The following COLGALT2 variants were observed in gnomAD, a reference collection of about 807,000 sequenced individuals.
COLGALT2 encodes the protein procollagen galactosyltransferase 2.
COLGALT2 carries 49 observed loss-of-function variants against 73.4 expected under a neutral mutation model. The observed-to-expected ratio is 0.67, with a 90% CI of 0.53 to 0.85. The LOEUF (loss-of-function observed/expected upper bound fraction) is 0.85. Among genes scored for constraint, COLGALT2 ranks in the 40% least tolerant of loss-of-function variants. The pLI, the probability that COLGALT2 is intolerant of heterozygous loss-of-function variation, is 0.00. For missense variants in COLGALT2, 722 were observed against 790.2 expected (o/e 0.91, Z 1.03); for synonymous variants, 295 against 307.6 (o/e 0.96, Z 0.43).
chr1:184,025,780 C>T (rs891822146), intron 1 of COLGALT2, among the ~76,000 whole-genome samples: 10 of 152,120 alleles, frequency 6.6e-5, no homozygotes, highest in Non-Finnish European at 1.3e-4. Flanking sequence ...CACGAGCTTC[C>T]TAGAAAAGGA....
In COLGALT2 at chr1:183,948,015, A is replaced by G. The variant is rs375567676; in HGVS notation, c.1137-2451T>C. ...AGATGAAATGGACAAATTGATAGGA[A>G]GGTACAAACTACCAAAATTGACTCA... On this transcript the variant is annotated intron_variant, in intron 8 of 11. Transcript: ENST00000361927. 4.0e-4 allele frequency among the ~76,000 whole-genome samples: 61 copies of G among 152,266 alleles called. No homozygotes were observed. In the East Asian group the frequency reaches 4.6e-3, roughly 12 times the overall value.
chr1:183,988,133 C>T (rs766502739), intron 1 of COLGALT2, among the ~76,000 whole-genome samples: 1 of 152,140 alleles, frequency 6.6e-6, no homozygotes, highest in African/African-American at 2.4e-5. Flanking sequence ...AAAACATCTT[C>T]CATGAGAAAG....
rs397861890 is a variant in COLGALT2, at chr1:183,930,569, C to CTTTTTTTT, written c.1605-288_1605-281dup. On this transcript the variant is annotated intron_variant, in intron 11 of 11. Coordinates refer to the COLGALT2 transcript ENST00000649786. ...AATGCCCTGCTAATTTTTTCTTTTT[C>CTTTTTTTT]TTTTTTTTTTTTTTTTTTTTTGTAT... 5.8e-4 allele frequency among the ~76,000 whole-genome samples: 66 copies of CTTTTTTTT among 114,060 alleles called. 2 individuals are homozygous for CTTTTTTTT. The highest frequency in any genetic ancestry group is 9.1e-4 in the African/African-American group (27 of 29,634). 74.8% of individuals were successfully genotyped at this position (114,060 alleles called of 152,430 possible). A position where few individuals can be genotyped will look rare whatever the true frequency, so the allele number is the denominator to read the frequency against.
chr1:183,976,709 T>C (rs1671202526), intron 2 of COLGALT2, among the ~76,000 whole-genome samples: 1 of 152,164 alleles, frequency 6.6e-6, no homozygotes. Context: ...TTCTAGCCCC[T>C]GCCAAAGAAC....
chr1:183,962,539 A>T (rs748668270), intron 6 of COLGALT2, among the ~76,000 whole-genome samples: 6 of 152,102 alleles, frequency 3.9e-5, no homozygotes, highest in Non-Finnish European at 5.9e-5. Context: ...CAGACACTCA[A>T]GACAGAACTT....
rs1669949938 is a variant in COLGALT2 at position 183,936,248 on chromosome 1, ATAAG to A, written c.*2509_*2512del. 1 of 985,706 alleles carries A rather than the reference ATAAG, an allele frequency of 1.0e-6. No homozygotes were observed. The highest frequency in any genetic ancestry group is 1.7e-5 in the African/African-American group (1 of 57,376). The allele number at this position is 985,706 out of a possible 1,614,324, so 61.1% of individuals were successfully genotyped here. A position where few individuals can be genotyped will look rare whatever the true frequency, so the allele number is the denominator to read the frequency against. ...AGGTCAAATGTCTTGGCTTAGGACT[ATAAG>A]GGAGAGATAGGACAAATAATGAGGT... On this transcript the variant is annotated 3_prime_UTR_variant, in exon 12 of 12. Transcript: ENST00000361927.
At chr1:183,940,018 G>C (rs1670064555) in intron 11 of COLGALT2, among the ~76,000 whole-genome samples, 2 of 152,186 alleles carry the variant, frequency 1.3e-5, no homozygotes, top group African/African-American at 2.4e-5. Flanking sequence ...CTGGGCTATG[G>C]GAGCCCCAAG....
intron 6 of COLGALT2, among the ~76,000 whole-genome samples, chr1:183,961,641 C>A (rs569202735): frequency 6.6e-6 from 1 of 152,184 alleles, no homozygotes; most frequent in Non-Finnish European, 1.5e-5. Flanking sequence ...CCTTCAAAAG[C>A]GACAGTGTCT....
At chr1:183,930,095 C>A in exon 12 of COLGALT2, 1 of 400,932 alleles carries the variant, frequency 2.5e-6, no homozygotes, top group Non-Finnish European at 5.0e-6. Context: ...CTGTTCACAG[C>A]CCATCAACCA....
At chr1:184,009,448 T>C (rs1449707345) in intron 1 of COLGALT2, among the ~76,000 whole-genome samples, 3 of 152,188 alleles carry the variant, frequency 2.0e-5, no homozygotes, top group African/African-American at 7.2e-5. Context: ...TTTGGTCAAT[T>C]ATGCCAGAAA....
At chr1:183,958,095 C>T (rs190227743) in intron 6 of COLGALT2, among the ~76,000 whole-genome samples, 2 of 152,208 alleles carry the variant, frequency 1.3e-5, no homozygotes, top group African/African-American at 2.4e-5. Flanking sequence ...GGCAGCACAT[C>T]CCCAAATTCT....
Position 183,945,501 on chromosome 1 carries a change from G to A in COLGALT2, c.1200C>T (p.Pro400=), listed in dbSNP as rs147848248. ...CCCTTGTTAGAGGCCTGGAGGAATAGGGATCTCGATAGCCAGGCAGCATTT... is the reference window on the plus strand; with the variant it reads ...CCCTTGTTAGAGGCCTGGAGGAATAAGGATCTCGATAGCCAGGCAGCATTT... ...NIEMLPGYRD[P]YSSRPLTRGE... is the part of the protein sequence containing the mutation. The change falls in exon 9 of 12, where the codon CCC becomes CCT. Residue 400 remains proline, a synonymous_variant. Transcript: ENST00000361927. The A allele has an allele frequency of 3.3e-5, 53 of 1,614,184 alleles. No homozygotes were observed. In the African/African-American group the frequency reaches 5.9e-4, roughly 18 times the overall value.
At chr1:183,933,610 C>T (rs908657526), downstream of COLGALT2, among the ~76,000 whole-genome samples, 1 of 150,878 alleles carries the variant, frequency 6.6e-6, no homozygotes, top group Non-Finnish European at 1.5e-5. Context: ...GATTAATTTC[C>T]AAGCATCTAA....
chr1:183,964,225 G>A lies in COLGALT2; in HGVS notation c.833-205C>T, dbSNP rs541421179. 53 of 474,338 alleles carry A rather than the reference G, an allele frequency of 1.1e-4. No homozygotes were observed. In the Admixed American group the frequency reaches 1.6e-3, roughly 14 times the overall value. The allele number at this position is 474,338 out of a possible 1,614,324, so 29.4% of individuals were successfully genotyped here. A position where few individuals can be genotyped will look rare whatever the true frequency, so the allele number is the denominator to read the frequency against. On this transcript the variant is annotated intron_variant, in intron 5 of 11. Transcript: ENST00000361927. Reference sequence around the variant, plus strand: ...GCATTGGGGACTAATAAAAACACTCGGCTATTCTTCAGCCCAGAGGAAATT... The same window carrying A: ...GCATTGGGGACTAATAAAAACACTCAGCTATTCTTCAGCCCAGAGGAAATT...
Position 183,937,077 on chromosome 1 carries a change from A to C in COLGALT2, c.*1684T>G, listed in dbSNP as rs1298749721. The C allele has an allele frequency of 8.1e-7, 1 of 1,231,348 alleles. No individual in the cohort carries two copies. The highest frequency in any genetic ancestry group is 1.6e-5 in the African/African-American group (1 of 64,414). 76.3% of individuals were successfully genotyped at this position (1,231,348 alleles called of 1,614,324 possible). A position where few individuals can be genotyped will look rare whatever the true frequency, so the allele number is the denominator to read the frequency against. On this transcript the variant is annotated 3_prime_UTR_variant, in exon 12 of 12. Coordinates refer to ENST00000361927, the MANE Select transcript of COLGALT2 (RefSeq NM_015101.4). ...GTATCACATGGGCAGTGAACTGAAG[A>C]ATTAGGTGTCTGGCTTAAAGTGTAT...
At chr1:184,018,940 C>T (rs1299013487) in intron 1 of COLGALT2, among the ~76,000 whole-genome samples, 5 of 152,146 alleles carry the variant, frequency 3.3e-5, no homozygotes, top group Admixed American at 3.3e-4. Context: ...ATACATCTGC[C>T]TAAAGCAAAC....
chr1:183,978,409 C>T lies in COLGALT2; in HGVS notation c.374+1G>A. 6.4e-7 allele frequency: 1 copy of T among 1,574,334 alleles called. No homozygotes were observed. On this transcript the variant is annotated splice_donor_variant, in intron 2 of 11. Transcript: ENST00000361927. LOFTEE classifies it high-confidence loss of function. ...TTACAAATTTCGCACTTGCTACTCA[C>T]TCTGGTTCATCCATAGGCCTCCACT...
Position 183,963,941 on chromosome 1 carries a change from T to C in COLGALT2, c.912A>G (p.Glu304=), listed in dbSNP as rs950234397. The part of the protein sequence containing the change: ...IPLKPHQTLQ[E]DIENLIHVQI... ...GCACATGGATGAGGTTCTCGATGTC[T>C]TCCTGCAGTGTCTGATGGGGCTTCA... The change falls in exon 6 of 12, where the codon GAA becomes GAG. Residue 304 remains glutamate, a synonymous_variant. Coordinates refer to ENST00000361927, the MANE Select transcript of COLGALT2 (RefSeq NM_015101.4). 4 of 1,612,604 alleles carry C rather than the reference T, an allele frequency of 2.5e-6. No individual in the cohort carries two copies. Among genetic ancestry groups the C allele is most frequent in the Non-Finnish European group, 3.4e-6 (4 of 1,179,336 alleles).
chr1:183,944,604 A>G (rs1023427680), intron 9 of COLGALT2, among the ~76,000 whole-genome samples: 3 of 152,170 alleles, frequency 2.0e-5, no homozygotes, highest in Non-Finnish European at 4.4e-5. Context: ...GGAAAGTACA[A>G]ACAAAGGTAA....
Sources: allele counts gnomAD v4.1 joint callset (sites outside exome capture counted in the v4.1 genomes callset), GRCh38; gene constraint gnomAD v4.1.1; transcripts MANE v1.5; gene names NCBI Gene and HGNC (gene_info 2026-07-23, HGNC 2026-07-21).